SLC26A4: variants seen among roughly 807,000 people sequenced by gnomAD.
The protein encoded by SLC26A4 is solute carrier family 26 member 4, also known as pendrin.
SLC26A4 carries 93 observed loss-of-function variants against 90.4 expected under a neutral mutation model. The ratio of observed to expected loss-of-function variants is 1.03; its 90% confidence interval spans 0.87 to 1.22. SLC26A4 has a LOEUF of 1.22. SLC26A4 is among the 50% of genes most tolerant of loss of function. The pLI is 0.00. For synonymous variants in SLC26A4, 393 were observed against 354.6 expected (o/e 1.11, Z -1.22); for missense variants, 1,127 against 946.2 (o/e 1.19, Z -2.51).
At chr7:107,709,117 A>G (rs944604013) in intron 18 of SLC26A4, among the ~76,000 whole-genome samples, 1 of 152,212 alleles carries the variant, frequency 6.6e-6, no homozygotes, top group Admixed American at 6.5e-5. Flanking sequence ...TCTGAAGTCC[A>G]GCGTAGATCC....
At chr7:107,686,597 C>T (rs1331883916) in intron 8 of SLC26A4, among the ~76,000 whole-genome samples, 2 of 152,008 alleles carry the variant, frequency 1.3e-5, no homozygotes, top group African/African-American at 4.8e-5. Flanking sequence ...AAGCAATTCT[C>T]CTGCCTCAGC....
intron 3 of SLC26A4, among the ~76,000 whole-genome samples, chr7:107,665,412 T>C (rs995183510): frequency 6.6e-6 from 1 of 152,100 alleles, no homozygotes; most frequent in Admixed American, 6.6e-5. Context: ...GTGTGGTTCC[T>C]AAGTTAAACA....
intron 10 of SLC26A4, among the ~76,000 whole-genome samples, chr7:107,693,937 A>G (rs946136058): frequency 7.2e-5 from 11 of 152,220 alleles, no homozygotes; most frequent in African/African-American, 2.7e-4. Flanking sequence ...AAGTGTTATC[A>G]GAGTTGCTAT....
At chr7:107,688,343 T>C (rs1307444959) in intron 8 of SLC26A4, among the ~76,000 whole-genome samples, 4 of 152,194 alleles carry the variant, frequency 2.6e-5, no homozygotes, top group African/African-American at 9.6e-5. Flanking sequence ...TTATACCATA[T>C]GGATAGTCAT....
chr7:107,699,591 T>C (rs1791829390), intron 14 of SLC26A4, among the ~76,000 whole-genome samples: 1 of 152,148 alleles, frequency 6.6e-6, no homozygotes, highest in Admixed American at 6.5e-5. Context: ...TATGAGACTG[T>C]AGAGGTCCAA....
chr7:107,710,703 G>A (rs997401489), intron 19 of SLC26A4, among the ~76,000 whole-genome samples: 1 of 152,174 alleles, frequency 6.6e-6, no homozygotes, highest in African/African-American at 2.4e-5. Context: ...GCCCTGATGG[G>A]AGGCCTCATG....
At chr7:107,694,911 C>T (rs1791694620) in intron 12 of SLC26A4, among the ~76,000 whole-genome samples, 195 bp downstream of exon 12, 1 of 152,144 alleles carries the variant, frequency 6.6e-6, no homozygotes, top group Non-Finnish European at 1.5e-5. Context: ...GATTCTGTAT[C>T]TCTGGGAAGG....
At chr7:107,686,363 C>CTTCCTCT (rs1413772480) in intron 8 of SLC26A4, among the ~76,000 whole-genome samples, 2 of 145,790 alleles carry the variant, frequency 1.4e-5, no homozygotes, top group Non-Finnish European at 3.0e-5. Flanking sequence ...TCCTACCTTC[C>CTTCCTCT]CTCCCTTTCC....
chr7:107,707,794 C>G (rs1187876904), intron 18 of SLC26A4, among the ~76,000 whole-genome samples: 1 of 152,200 alleles, frequency 6.6e-6, no homozygotes, highest in African/African-American at 2.4e-5. Flanking sequence ...TTTAACATCT[C>G]TCTTTTACAG....
chr7:107,679,578 A>G (rs576755144), intron 6 of SLC26A4, among the ~76,000 whole-genome samples: 2 of 152,016 alleles, frequency 1.3e-5, no homozygotes, highest in African/African-American at 2.4e-5. Context: ...TATCTAAATG[A>G]AATTGTCCTA....
chr7:107,683,594 TA>T, intron 8 of SLC26A4, 57 bp downstream of exon 8: 1 of 1,370,730 alleles, frequency 7.3e-7, no homozygotes. Flanking sequence ...CAGTCTTTTT[TA>T]TTTAAATAAA....
chr7:107,665,145 A>G lies in SLC26A4; in HGVS notation c.304+1710A>G, dbSNP rs74760552. 3.4e-3 allele frequency among the ~76,000 whole-genome samples: 516 copies of G among 152,310 alleles called. 6 individuals carry two copies. Among genetic ancestry groups the G allele is most frequent in the African/African-American group, 0.012 (483 of 41,574 alleles). ...TCAAAGCTGAGTTTCCCTGATGGCTAAGTCTGAGTTTGCCAAGTGATGGGA... is the reference window on the plus strand; with the variant it reads ...TCAAAGCTGAGTTTCCCTGATGGCTGAGTCTGAGTTTGCCAAGTGATGGGA... On this transcript the variant is annotated intron_variant, in intron 3 of 20. Transcript: ENST00000644269.
rs981410021 is a variant in SLC26A4 at position 107,704,376 on chromosome 7, T to C, written c.2080T>C (p.Ser694Pro). Residue 694 changes from serine to proline, a missense_variant, in exon 18 of 21, where the codon TCA (serine) becomes CCA (proline). Coordinates refer to ENST00000644269, the MANE Select transcript of SLC26A4 (RefSeq NM_000441.2). ...AATTGATGTGAATGTGTATTTTGCA[T>C]CACTTCAAGGTAAATACATATATCT... ...QRIDVNVYFA[S>P]LQDYVIEKLE... 2.2e-6 allele frequency: 3 copies of C among 1,363,630 alleles called. No individual in the cohort carries two copies. The African/African-American group carries it at 4.3e-5, about 19-fold the overall frequency. 84.5% of individuals were successfully genotyped at this position (1,363,630 alleles called of 1,614,324 possible). A position where few individuals can be genotyped will look rare whatever the true frequency, so the allele number is the denominator to read the frequency against.
Position 107,717,752 on chromosome 7 carries a change from TA to T in SLC26A4, c.*2311del, listed in dbSNP as rs1792383244. On this transcript the variant is annotated 3_prime_UTR_variant, in exon 21 of 21. Coordinates refer to ENST00000644269, the MANE Select transcript of SLC26A4 (RefSeq NM_000441.2). Reference sequence around the variant, plus strand: ...ACATTTGAAAATATTTGCACACATTTAAAAATAAATGTAAAGTTGTCTTTTA... The same window carrying T: ...ACATTTGAAAATATTTGCACACATTTAAAATAAATGTAAAGTTGTCTTTTA... 6.6e-6 allele frequency: 1 copy of T among 152,624 alleles called. No homozygotes were observed. Among genetic ancestry groups the T allele is most frequent in the African/African-American group, 2.4e-5 (1 of 41,450 alleles). 9.5% of individuals were successfully genotyped at this position (152,624 alleles called of 1,614,324 possible).
intron 6 of SLC26A4, among the ~76,000 whole-genome samples, chr7:107,676,881 T>G (rs1791037562): frequency 6.6e-6 from 1 of 152,108 alleles, no homozygotes; most frequent in African/African-American, 2.4e-5. Context: ...ACATAGTGAA[T>G]AAGATCATGA....
At chr7:107,696,162 T>C in intron 13 of SLC26A4, 123 bp downstream of exon 13, 3 of 754,252 alleles carry the variant, frequency 4.0e-6, no homozygotes, top group East Asian at 4.9e-5. Flanking sequence ...ATTGAGTGCT[T>C]CTATGCATTA....
intron 3 of SLC26A4, among the ~76,000 whole-genome samples, chr7:107,666,194 A>G (rs1287703862): frequency 1.3e-5 from 2 of 152,156 alleles, no homozygotes; most frequent in African/African-American, 2.4e-5. Flanking sequence ...AATATACTGC[A>G]ATAGGGATTA....
chr7:107,700,251 G>A (rs17154331), intron 15 of SLC26A4, 76 bp downstream of exon 15: 1 of 775,736 alleles, frequency 1.3e-6, no homozygotes, highest in Non-Finnish European at 2.3e-6. Flanking sequence ...ATTTACTGGG[G>A]TCCAATCAGG....
Position 107,665,791 on chromosome 7 carries a change from G to GA in SLC26A4, c.304+2362dup, listed in dbSNP as rs1287685855. Reference sequence around the variant, plus strand: ...TATTATTATTTCATTTTCAGTAGGTGAAAAAATCTATTAAATCTTGCCCAG... The same window carrying GA: ...TATTATTATTTCATTTTCAGTAGGTGAAAAAAATCTATTAAATCTTGCCCAG... On this transcript the variant is annotated intron_variant, in intron 3 of 20. Transcript: ENST00000644269. Among the ~76,000 whole-genome samples the GA allele has an allele frequency of 2.0e-5, 3 of 152,140 alleles. No homozygotes were observed. In the South Asian group the frequency reaches 6.2e-4, roughly 32 times the overall value.
Sources: gnomAD v4.1 joint callset for allele counts (sites outside exome capture counted in the v4.1 genomes callset) on GRCh38, gnomAD v4.1.1 for gene constraint, MANE v1.5 for transcripts, NCBI Gene and HGNC (gene_info 2026-07-23, HGNC 2026-07-21) for gene names.